KAZN: variants seen among roughly 807,000 people sequenced by gnomAD.
KAZN encodes kazrin, periplakin interacting protein.
KAZN carries 40 observed loss-of-function variants against 87.4 expected under a neutral mutation model. The observed-to-expected ratio is 0.46, with a 90% CI of 0.36 to 0.60. KAZN has a LOEUF of 0.60. Ranked by LOEUF, KAZN falls within the 20% of genes least tolerant of loss-of-function variation. The probability of loss-of-function intolerance (pLI) is 0.00; values close to 1 mark genes in which losing one functional copy is unlikely to be tolerated. For missense variants in KAZN, 898 were observed against 1,073.9 expected (o/e 0.84, Z 2.29); for synonymous variants, 466 against 458.3 (o/e 1.02, Z -0.22).
At chr1:14,701,910 G>A (rs932237577) in intron 1 of KAZN, among the ~76,000 whole-genome samples, 31 of 152,128 alleles carry the variant, frequency 2.0e-4, no homozygotes, top group African/African-American at 7.2e-4. Flanking sequence ...ATGTATCTGT[G>A]CACACCCCAC....
intron 1 of KAZN, among the ~76,000 whole-genome samples, chr1:14,060,362 C>CAAAA (rs56206554): frequency 2.0e-5 from 2 of 100,654 alleles, no homozygotes; most frequent in Admixed American, 1.1e-4. Flanking sequence ...GACTCCACCT[C>CAAAA]AAAAAAAAAA....
chr1:14,117,961 G>T (rs1644664572), intron 1 of KAZN, among the ~76,000 whole-genome samples: 1 of 152,176 alleles, frequency 6.6e-6, no homozygotes, highest in South Asian at 2.1e-4. Context: ...TTACAGAAAG[G>T]TTTCCCACAT....
chr1:14,477,275 C>T (rs1215727825), intron 2 of KAZN, among the ~76,000 whole-genome samples: 1 of 152,200 alleles, frequency 6.6e-6, no homozygotes. Flanking sequence ...TAAGATGTGA[C>T]TTGCTCCTCC....
intron 1 of KAZN, among the ~76,000 whole-genome samples, chr1:14,771,250 G>A (rs1171718603): frequency 6.6e-6 from 1 of 152,158 alleles, no homozygotes; most frequent in Non-Finnish European, 1.5e-5. Flanking sequence ...GTTCCAAGGA[G>A]AGATGAGATC....
At chr1:14,878,491 G>A (rs1245558085) in intron 1 of KAZN, among the ~76,000 whole-genome samples, 1 of 152,034 alleles carries the variant, frequency 6.6e-6, no homozygotes, top group Non-Finnish European at 1.5e-5. Context: ...CTGATTAACT[G>A]TGCTGGGCAT....
At chr1:14,861,552 T>C (rs1319215961) in intron 1 of KAZN, among the ~76,000 whole-genome samples, 1 of 152,204 alleles carries the variant, frequency 6.6e-6, no homozygotes. Flanking sequence ...AAGTAGACCC[T>C]TGCTGTGTTC....
In KAZN at chr1:14,356,039, CCCA is replaced by C. The variant is rs1658995576; in HGVS notation, c.249+175451_249+175453del. Among the ~76,000 whole-genome samples, 7 of 152,330 alleles carry C rather than the reference CCCA, an allele frequency of 4.6e-5. No homozygotes were observed. In the South Asian group the frequency reaches 1.2e-3, roughly 27 times the overall value. The stretch of plus-strand genomic sequence containing the variant: ...CACAATGGTTGAACTAATTTACACT[CCCA>C]CCAATGGTGTAAAAGTGTTCCTATT... On this transcript the variant is annotated intron_variant, in intron 2 of 16. Transcript: ENST00000636203.
At chr1:14,546,630 G>A (rs1673163844) in intron 2 of KAZN, among the ~76,000 whole-genome samples, 3 of 152,112 alleles carry the variant, frequency 2.0e-5, no homozygotes, top group Admixed American at 2.0e-4. Flanking sequence ...GAAGACTTCA[G>A]AGGCCACTAA....
chr1:14,074,960 A>G lies in KAZN; in HGVS notation c.92-105475A>G, dbSNP rs191823047. On this transcript the variant is annotated intron_variant, in intron 1 of 16. Transcript: ENST00000636203. Reference sequence around the variant, plus strand: ...GCTTTCATTCGTGTCAACTCATGTTAAACTTTGATTTTGTGCAGAAGTTAG... The same window carrying G: ...GCTTTCATTCGTGTCAACTCATGTTGAACTTTGATTTTGTGCAGAAGTTAG... 1.6e-4 allele frequency among the ~76,000 whole-genome samples: 24 copies of G among 152,314 alleles called. No homozygotes were observed. In the East Asian group the frequency reaches 4.1e-3, roughly 26 times the overall value.
At position 14,630,919 on chromosome 1, in the gene KAZN, A is replaced by G. The variant is rs141154799; in HGVS notation, c.226+31696A>G. ...CAAAGATTGCTATAGGATAAAGTCA[A>G]TAAGGGCACAATAAAAGTAAAAATC... is the stretch of plus-strand genomic sequence containing the variant. On this transcript the variant is annotated intron_variant, in intron 1 of 14. Coordinates refer to ENST00000376030, the MANE Select transcript of KAZN (RefSeq NM_201628.3). 1.7e-3 allele frequency among the ~76,000 whole-genome samples: 265 copies of G among 152,346 alleles called. 2 individuals carry two copies. Among genetic ancestry groups the G allele is most frequent in the African/African-American group, 6.0e-3 (248 of 41,580 alleles).
intron 2 of KAZN, among the ~76,000 whole-genome samples, chr1:14,239,455 C>CT (rs386366265): frequency 0.032 from 3,092 of 95,658 alleles, 187 homozygotes; most frequent in African/African-American, 0.098. Context: ...AGTTGGGTTT[C>CT]TTTTTTTTTT....
chr1:14,384,367 T>A (rs1421304835), intron 2 of KAZN, among the ~76,000 whole-genome samples: 1 of 152,090 alleles, frequency 6.6e-6, no homozygotes, highest in Non-Finnish European at 1.5e-5. Flanking sequence ...ATAGGAGTGG[T>A]GAGAGGGGGC....
intron 1 of KAZN, among the ~76,000 whole-genome samples, chr1:14,818,200 C>A (rs61772307): frequency 0.036 from 5,477 of 152,312 alleles, 142 homozygotes; most frequent in African/African-American, 0.069. Context: ...ATGCTGGGTA[C>A]TTTGTTGCCC....
At chr1:14,199,401 TCA>T (rs1646594205) in intron 2 of KAZN, among the ~76,000 whole-genome samples, 2 of 152,220 alleles carry the variant, frequency 1.3e-5, no homozygotes, top group Non-Finnish European at 2.9e-5. Context: ...TCCTCAGGTC[TCA>T]GTTTAAATGT....
intron 1 of KAZN, among the ~76,000 whole-genome samples, chr1:14,837,550 A>ACTT (rs1442056160): frequency 6.8e-5 from 8 of 117,696 alleles, no homozygotes; most frequent in Middle Eastern, 5.7e-3. Flanking sequence ...TAGCTGTATA[A>ACTT]TTTTTTTTTT....
intron 1 of KAZN, among the ~76,000 whole-genome samples, chr1:14,630,025 C>A (rs1016325598): frequency 6.6e-6 from 1 of 150,908 alleles, no homozygotes; most frequent in African/African-American, 2.4e-5. Flanking sequence ...TTTTCAGCTA[C>A]GAATGCAATG....
intron 2 of KAZN, among the ~76,000 whole-genome samples, chr1:14,192,358 C>T (rs895391878): frequency 2.0e-5 from 3 of 152,132 alleles, no homozygotes; most frequent in Non-Finnish European, 4.4e-5. Flanking sequence ...AGCCACAGGA[C>T]AGGGTGGGAG....
At chr1:14,269,090 T>TTCTC (rs374327402) in intron 2 of KAZN, among the ~76,000 whole-genome samples, 34 of 151,498 alleles carry the variant, frequency 2.2e-4, no homozygotes, top group Middle Eastern at 3.4e-3. Flanking sequence ...TTTGGCTGGG[T>TTCTC]TCTCTCTCTC....
rs147704626 is a variant in KAZN, at chr1:13,909,888, C to T, written c.91+16132C>T. On this transcript the variant is annotated intron_variant, in intron 1 of 16. Transcript: ENST00000636203. ...TCTTCTTGGCTGGCTTCAGGGAATC[C>T]GCTTCAAATGTTGAGGCTCATGGAG... Among the ~76,000 whole-genome samples the T allele has an allele frequency of 6.1e-3, 928 of 152,218 alleles. 4 individuals are homozygous for T. Among genetic ancestry groups the T allele is most frequent in the Non-Finnish European group, 9.5e-3 (647 of 68,004 alleles).
Sources: allele counts gnomAD v4.1 joint callset (sites outside exome capture counted in the v4.1 genomes callset), GRCh38; gene constraint gnomAD v4.1.1; transcripts MANE v1.5; gene names NCBI Gene and HGNC (gene_info 2026-07-23, HGNC 2026-07-21).